The following LLGL2 variants were observed in gnomAD, a reference collection of about 807,000 sequenced individuals.
LLGL2 encodes LLGL scribble cell polarity complex component 2.
A neutral mutation model predicts 123.2 loss-of-function variants in LLGL2; 81 were observed. The observed-to-expected ratio is 0.66, with a 90% CI of 0.55 to 0.79. LLGL2 has a LOEUF of 0.79. Among genes scored for constraint, LLGL2 ranks in the 30% least tolerant of loss-of-function variants. LLGL2 has a pLI of 0.00. For synonymous variants in LLGL2, 577 were observed against 594.1 expected, an observed-to-expected ratio of 0.97 and a Z score of 0.42; for missense variants, 1,273 against 1,414.6, an observed-to-expected ratio of 0.90 and a Z score of 1.61.
chr17:75,560,819 A>AC (rs1446678507), intron 6 of LLGL2, among the ~76,000 whole-genome samples: 6 of 109,494 alleles, frequency 5.5e-5, no homozygotes, highest in South Asian at 2.3e-4. Flanking sequence ...AAAAAAAAAA[A>AC]AAAAAAAAAA....
At chr17:75,553,948 A>C (rs951730409) in intron 2 of LLGL2, among the ~76,000 whole-genome samples, 3 of 152,164 alleles carry the variant, frequency 2.0e-5, no homozygotes, top group African/African-American at 7.2e-5. Flanking sequence ...TAAATACTCA[A>C]CAATAAACCT....
chr17:75,574,200 C>G lies in LLGL2; in HGVS notation c.2906-13C>G. ...CCCAGGCGGGGCGCCCTGACCCGGC[C>G]TCTACCTTCCAGAGAAGCAGCCCGG... On this transcript the variant is annotated splice_polypyrimidine_tract_variant and intron_variant, in intron 22 of 25. Transcript: ENST00000392550. 1 of 1,530,526 alleles carries G rather than the reference C, an allele frequency of 6.5e-7. No individual in the cohort carries two copies. The highest frequency in any genetic ancestry group is 8.8e-7 in the Non-Finnish European group (1 of 1,137,138). 94.8% of individuals were successfully genotyped at this position (1,530,526 alleles called of 1,614,324 possible).
Position 75,573,250 on chromosome 17 carries a change from C to T in LLGL2, c.2697C>T (p.Ala899=). The change falls in exon 20 of 26, where the codon GCC becomes GCT. Residue 899 remains alanine (A), a synonymous_variant. Coordinates refer to ENST00000392550, the MANE Select transcript of LLGL2 (RefSeq NM_001031803.2). ...GCCGGGAGGACGTCAGTGGCATCGC[C>T]TCCTGCGTCTTCACCAAATATGGCC... The part of the protein sequence containing the change: ...CIRREDVSGI[A]SCVFTKYGQG... 3 of 1,605,414 alleles carry T rather than the reference C, an allele frequency of 1.9e-6. No homozygotes were observed. Among genetic ancestry groups the T allele is most frequent in the Non-Finnish European group, 2.6e-6 (3 of 1,174,020 alleles).
chr17:75,552,318 GTC>G (rs1325116908), intron 2 of LLGL2, among the ~76,000 whole-genome samples: 1 of 146,946 alleles, frequency 6.8e-6, no homozygotes, highest in Non-Finnish European at 1.5e-5. Flanking sequence ...GTGAAACCCC[GTC>G]TCTACTAAAA....
At chr17:75,551,302 C>G (rs1273154597) in intron 2 of LLGL2, among the ~76,000 whole-genome samples, 1 of 152,112 alleles carries the variant, frequency 6.6e-6, no homozygotes, top group Non-Finnish European at 1.5e-5. Context: ...CATCTCCAAT[C>G]CAAGGACAGC....
rs145931580 is a variant in LLGL2, at chr17:75,540,265, G to T, written c.-30-3132G>T. Among the ~76,000 whole-genome samples, 3 of 152,334 alleles carry T rather than the reference G, an allele frequency of 2.0e-5. No homozygotes were observed. In the East Asian group the frequency reaches 5.8e-4, roughly 29 times the overall value. On this transcript the variant is annotated intron_variant, in intron 1 of 25. Coordinates refer to ENST00000392550, the MANE Select transcript of LLGL2 (RefSeq NM_001031803.2). ...AAGTTTCTCTGCAGAGAACCTGCTT[G>T]TCTGGGGTGGGGAGCTGAGGAGCCA...
intron 23 of LLGL2, 96 bp downstream of exon 23, chr17:75,574,356 T>G (rs1568082995): frequency 6.5e-7 from 1 of 1,529,336 alleles, no homozygotes; most frequent in Non-Finnish European, 8.8e-7. Context: ...TGAGGCGGGG[T>G]ACAGATCCAT....
Position 75,568,502 on chromosome 17 carries a change from G to T in LLGL2, c.1063G>T (p.Val355Leu). The change falls in exon 11 of 26, where the codon GTG (valine) becomes TTG (leucine). Residue 355 changes from valine to leucine, a missense_variant. Physicochemically the swap from Val to Leu is conservative, Grantham distance 32 (BLOSUM62 1). Transcript: ENST00000392550. ...ATFDDPYALV[V>L]LAEEELVVID... ...CTTTGACGACCCCTATGCCCTGGTG[G>T]TGCTGGCTGAGGAGGAGCTGGTGGT... The T allele has an allele frequency of 1.2e-6, 2 of 1,613,136 alleles. No homozygotes were observed. The highest frequency in any genetic ancestry group is 1.7e-4 in the Middle Eastern group (1 of 6,060).
chr17:75,562,064 G>C (rs1210315596), intron 6 of LLGL2, among the ~76,000 whole-genome samples: 1 of 152,164 alleles, frequency 6.6e-6, no homozygotes, highest in Non-Finnish European at 1.5e-5. Flanking sequence ...AGTGTGGCTT[G>C]GGTCCAGGCT....
chr17:75,563,147 G>A lies in LLGL2; in HGVS notation c.662G>A (p.Ser221Asn), dbSNP rs1247446069. The change falls in exon 7 of 26, where the codon AGC becomes AAC. Residue 221 changes from serine to asparagine, a missense_variant. Ser to Asn is a conservative substitution (Grantham distance 46). Coordinates refer to ENST00000392550, the MANE Select transcript of LLGL2 (RefSeq NM_001031803.2). The part of the protein sequence containing the change: ...GLVVIWDLQG[S>N]RVLYHFLSSQ... ...GTTGTCATCTGGGACCTACAGGGCA[G>A]CCGCGTGCTCTACCACTTCCTCAGC... 6.2e-7 allele frequency: 1 copy of A among 1,613,180 alleles called. No homozygotes were observed. The highest frequency in any genetic ancestry group is 1.1e-5 in the South Asian group (1 of 91,092).
intron 1 of LLGL2, among the ~76,000 whole-genome samples, chr17:75,528,083 C>T (rs867558351): frequency 6.6e-6 from 1 of 151,508 alleles, no homozygotes; most frequent in African/African-American, 2.4e-5. Flanking sequence ...ACGCCAGACC[C>T]GTTAGTATAA....
intron 14 of LLGL2, 111 bp downstream of exon 14, chr17:75,569,436 T>A: frequency 1.1e-6 from 1 of 873,092 alleles, no homozygotes; most frequent in Non-Finnish European, 1.8e-6. Context: ...CCTTTGCTTT[T>A]CCGGTGGATG....
At chr17:75,528,179 G>T (rs866932140) in intron 1 of LLGL2, among the ~76,000 whole-genome samples, 1 of 151,896 alleles carries the variant, frequency 6.6e-6, no homozygotes, top group African/African-American at 2.4e-5. Flanking sequence ...GCAGTGGCGA[G>T]ATCTCGGCTC....
In LLGL2 at chr17:75,558,700, C is replaced by T. The variant is rs531431253; in HGVS notation, c.371+73C>T. 1.0e-5 allele frequency: 13 copies of T among 1,249,902 alleles called. No individual in the cohort carries two copies. Among genetic ancestry groups the T allele is most frequent in the East Asian group, 5.1e-5 (2 of 39,416 alleles). 77.4% of individuals were successfully genotyped at this position (1,249,902 alleles called of 1,614,324 possible). ...CTTGCCCTTAGCTCTGGAGTGGACT[C>T]ACCCTTTGTGAGGCCTGTTGCGCCC... On this transcript the variant is annotated intron_variant, in intron 5 of 25. Transcript: ENST00000392550. The surrounding 1 kb of genome is among the most constrained non-coding windows in gnomAD (Gnocchi z 4.0).
At chr17:75,529,124 C>G (rs1468741119) in intron 1 of LLGL2, among the ~76,000 whole-genome samples, 1 of 140,728 alleles carries the variant, frequency 7.1e-6, no homozygotes. Context: ...CGATTGCACT[C>G]CAGCCTGGGC....
At chr17:75,565,333 A>G (rs1021340218) in intron 10 of LLGL2, among the ~76,000 whole-genome samples, 9 of 152,316 alleles carry the variant, frequency 5.9e-5, no homozygotes, top group African/African-American at 2.2e-4. Context: ...CCCTCTCCTA[A>G]TGATGCTGGC....
chr17:75,553,448 G>A (rs1038219558), intron 2 of LLGL2, among the ~76,000 whole-genome samples: 1 of 152,218 alleles, frequency 6.6e-6, no homozygotes, highest in African/African-American at 2.4e-5. Context: ...GACTGATGGG[G>A]GAGGCAGGTA....
rs774136253 is a variant in LLGL2 at position 75,556,108 on chromosome 17, C to G, written c.138C>G (p.Ile46Met). Reference protein sequence around the residue: ...SALGYSPSLRILAIGTRSGAI... With the variant: ...SALGYSPSLRMLAIGTRSGAI... ...TCGGCTACAGCCCGTCCCTGCGCAT[C>G]CTGGCCATCGGCACCCGTTCTGGAG... The change falls in exon 3 of 26, where the codon ATC (isoleucine) becomes ATG (methionine). Residue 46 changes from isoleucine to methionine, a missense_variant. Coordinates refer to ENST00000392550, the MANE Select transcript of LLGL2 (RefSeq NM_001031803.2). 2 of 1,610,326 alleles carry G rather than the reference C, an allele frequency of 1.2e-6. No homozygotes were observed. The highest frequency in any genetic ancestry group is 1.7e-5 in the Admixed American group (1 of 60,024).
rs868533900 is a variant in LLGL2 at position 75,559,753 on chromosome 17, C to T, written c.530+343C>T. ...GCGGGGAAGTCGGGCCCAGACCTCC[C>T]TGTGTCACTGGGGCAGCTCCTGGTG... On this transcript the variant is annotated intron_variant, in intron 6 of 25. Coordinates refer to ENST00000392550, the MANE Select transcript of LLGL2 (RefSeq NM_001031803.2). This position sits in a 1 kb window ranked among gnomAD's most constrained non-coding sequence, Gnocchi z 4.6. Among the ~76,000 whole-genome samples the T allele has an allele frequency of 3.3e-5, 5 of 152,216 alleles. No individual in the cohort carries two copies. Among genetic ancestry groups the T allele is most frequent in the Admixed American group, 2.0e-4 (3 of 15,288 alleles).
Sources: allele counts gnomAD v4.1 joint callset (sites outside exome capture counted in the v4.1 genomes callset), GRCh38; gene constraint gnomAD v4.1.1; non-coding constraint Gnocchi (gnomAD v3.1); transcripts MANE v1.5; gene names NCBI Gene and HGNC (gene_info 2026-07-23, HGNC 2026-07-21).